DOCK11: variants seen among roughly 807,000 people sequenced by gnomAD.
DOCK11 encodes the protein dedicator of cytokinesis protein 11.
Under a neutral mutation model 169.1 loss-of-function variants are expected in DOCK11, and 70 were observed. That is an observed-to-expected ratio of 0.41 (90% CI 0.34 to 0.51). DOCK11 has a LOEUF of 0.51. Among genes scored for constraint, DOCK11 ranks in the 20% least tolerant of loss-of-function variants. The probability of loss-of-function intolerance (pLI) is 0.10; values close to 1 mark genes in which losing one functional copy is unlikely to be tolerated. For synonymous variants in DOCK11, 529 were observed against 541.3 expected, an observed-to-expected ratio of 0.98 and a Z score of 0.32; for missense variants, 1,166 against 1,538.8, an observed-to-expected ratio of 0.76 and a Z score of 4.05.
intron 41 of DOCK11, among the ~76,000 whole-genome samples, 184 bp downstream of exon 41, chrX:118,649,311 GA>G (rs976970515): frequency 9.0e-6 from 1 of 111,214 alleles, no homozygotes; most frequent in Non-Finnish European, 1.9e-5. Flanking sequence ...GACTAAGTAT[GA>G]AAAAAATAGA....
At chrX:118,573,526 T>C (rs2013345427) in intron 11 of DOCK11, among the ~76,000 whole-genome samples, 2 of 112,786 alleles carry the variant, frequency 1.8e-5, no homozygotes, top group South Asian at 7.1e-4. Context: ...ATTTGTGTTA[T>C]TTAAATGTAG....
chrX:118,598,142 C>T, intron 22 of DOCK11, 26 bp downstream of exon 22: 1 of 1,084,768 alleles, frequency 9.2e-7, no homozygotes, highest in Non-Finnish European at 1.3e-6. Context: ...TGAATTTTGT[C>T]AATTTTTATA....
chrX:118,505,318 T>C (rs1569401852), intron 1 of DOCK11, among the ~76,000 whole-genome samples: 1 of 112,497 alleles, frequency 8.9e-6, no homozygotes, highest in Admixed American at 9.4e-5. Context: ...TGAGACACCA[T>C]GCCCAGCCTT....
rs180861708 is a variant in DOCK11 at position 118,501,145 on chromosome X, A to C, written c.102+5072A>C. On this transcript the variant is annotated intron_variant, in intron 1 of 52. Coordinates refer to ENST00000276202, the MANE Select transcript of DOCK11 (RefSeq NM_144658.4). ...GTTATAAACATGAACTATAAAGGTA[A>C]ATAGCTATATATCTTTCTTTACTTT... Among the ~76,000 whole-genome samples, 19 of 111,599 alleles carry C rather than the reference A, an allele frequency of 1.7e-4. No homozygotes were observed. The East Asian group carries it at 5.0e-3, about 29-fold the overall frequency.
intron 12 of DOCK11, among the ~76,000 whole-genome samples, chrX:118,577,307 G>A (rs1478014083): frequency 1.8e-5 from 2 of 112,205 alleles, no homozygotes; most frequent in Non-Finnish European, 3.8e-5. Context: ...GGCAGTACCC[G>A]AAGCCAGGTT....
Position 118,681,188 on chromosome X carries a change from C to G in DOCK11, c.5802C>G (p.Ser1934=). ...CTGCAGAGCTGCAAAAGCTTTGCTC[C>G]TCTACTGACGTGGACATGATTCAGC... is the stretch of plus-strand genomic sequence containing the variant. The part of the protein sequence containing the change: ...DKTAELQKLC[S]STDVDMIQLQ... The change falls in exon 50 of 53, where the codon TCC becomes TCG. Residue 1934 remains serine (S), a synonymous_variant. Coordinates refer to ENST00000276202, the MANE Select transcript of DOCK11 (RefSeq NM_144658.4). 8.3e-7 allele frequency: 1 copy of G among 1,207,513 alleles called. No homozygotes were observed. Among genetic ancestry groups the G allele is most frequent in the Non-Finnish European group, 1.1e-6 (1 of 893,764 alleles).
At chrX:118,513,060 T>C (rs1162792381) in intron 1 of DOCK11, among the ~76,000 whole-genome samples, 1 of 111,906 alleles carries the variant, frequency 8.9e-6, no homozygotes, top group African/African-American at 3.2e-5. Context: ...CAGGAAACTC[T>C]TCTGTGGATC....
chrX:118,536,093 T>C (rs1437150004), intron 1 of DOCK11, among the ~76,000 whole-genome samples: 4 of 109,827 alleles, frequency 3.6e-5, no homozygotes, highest in African/African-American at 6.6e-5. Flanking sequence ...ACCTCAGGAG[T>C]TTGAGACCAG....
rs181454959 is a variant in DOCK11 at position 118,651,856 on chromosome X, C to A, written c.4582-108C>A. ...ACATTATGATGGTACAGTGTAGAAT[C>A]TTTAAAAGAAGCATTTCATGTGAGT... On this transcript the variant is annotated intron_variant, in intron 41 of 52. Coordinates refer to ENST00000276202, the MANE Select transcript of DOCK11 (RefSeq NM_144658.4). 22 of 503,238 alleles carry A rather than the reference C, an allele frequency of 4.4e-5. No individual in the cohort carries two copies. In the Admixed American group the frequency reaches 5.5e-4, roughly 13 times the overall value. The allele number at this position is 503,238 out of a possible 1,213,427, so 41.5% of individuals were successfully genotyped here. A position where few individuals can be genotyped will look rare whatever the true frequency, so the allele number is the denominator to read the frequency against.
rs142117330 is a variant in DOCK11, at chrX:118,610,014, T to C, written c.2950-258T>C. 2.4e-4 allele frequency among the ~76,000 whole-genome samples: 27 copies of C among 112,007 alleles called. No homozygotes were observed. The East Asian group carries it at 7.5e-3, about 31-fold the overall frequency. On this transcript the variant is annotated intron_variant, in intron 27 of 52. Coordinates refer to ENST00000276202, the MANE Select transcript of DOCK11 (RefSeq NM_144658.4). ...GCGTTGTGTCTGTAACTCAGAAGCA[T>C]GATATTCCAAAGTTGGGGCAGAACA...
intron 23 of DOCK11, among the ~76,000 whole-genome samples, chrX:118,601,477 C>T (rs912152270): frequency 9.0e-6 from 1 of 110,640 alleles, no homozygotes; most frequent in African/African-American, 3.3e-5. Context: ...AAATCCTTTC[C>T]TCAGGTAAAT....
chrX:118,578,198 C>T (rs986398782), intron 12 of DOCK11, among the ~76,000 whole-genome samples: 3 of 111,683 alleles, frequency 2.7e-5, no homozygotes, highest in African/African-American at 9.8e-5. Context: ...GAGTTACATG[C>T]AGCTGCATTT....
chrX:118,684,271 C>CTTTTTTTT (rs1197326228), intron 52 of DOCK11, among the ~76,000 whole-genome samples: 126 of 78,586 alleles, frequency 1.6e-3, no homozygotes, highest in African/African-American at 5.9e-3. Context: ...TTTTTTTTTT[C>CTTTTTTTT]TTTTTTTTTT....
intron 48 of DOCK11, 127 bp from the exon 49 acceptor site, chrX:118,680,355 T>C: frequency 3.1e-6 from 1 of 324,764 alleles, no homozygotes; most frequent in Admixed American, 6.2e-5. Context: ...GGAAACACAA[T>C]TATAATGGCA....
At chrX:118,552,815 C>T (rs909960142) in intron 6 of DOCK11, among the ~76,000 whole-genome samples, 18 of 111,666 alleles carry the variant, frequency 1.6e-4, no homozygotes, top group African/African-American at 5.9e-4. Flanking sequence ...GAGTTTGAAG[C>T]TGCAGTGAGC....
intron 19 of DOCK11, among the ~76,000 whole-genome samples, chrX:118,591,981 C>T (rs1428541847): frequency 9.3e-6 from 1 of 107,490 alleles, no homozygotes; most frequent in Admixed American, 1.0e-4. Context: ...TTTATGGATG[C>T]ATAGTATTCC....
At chrX:118,616,045 TGTAAAG>T (rs1356259775) in intron 30 of DOCK11, among the ~76,000 whole-genome samples, 1 of 112,100 alleles carries the variant, frequency 8.9e-6, no homozygotes, top group African/African-American at 3.2e-5. Flanking sequence ...CATCAAAAAA[TGTAAAG>T]GTAGAGTAAA....
chrX:118,575,815 A>G (rs936957228), intron 12 of DOCK11, among the ~76,000 whole-genome samples: 1 of 112,358 alleles, frequency 8.9e-6, no homozygotes, highest in Non-Finnish European at 1.9e-5. Flanking sequence ...GCCAATGTGT[A>G]TTTCCCGTAT....
At chrX:118,639,742 T>G (rs1220620976) in intron 38 of DOCK11, among the ~76,000 whole-genome samples, 165 bp downstream of exon 38, 1 of 111,711 alleles carries the variant, frequency 9.0e-6, no homozygotes, top group African/African-American at 3.3e-5. Context: ...AGAAAAGAAG[T>G]CCTGGTTTAA....
Sources: allele counts gnomAD v4.1 joint callset (sites outside exome capture counted in the v4.1 genomes callset), GRCh38; gene constraint gnomAD v4.1.1; transcripts MANE v1.5; gene names NCBI Gene and HGNC (gene_info 2026-07-23, HGNC 2026-07-21).